COX7B2: variants seen among roughly 807,000 people sequenced by gnomAD.
COX7B2 encodes cytochrome c oxidase subunit 7B2.
For synonymous variants in COX7B2, 37 were observed against 32.1 expected, an observed-to-expected ratio of 1.15 and a Z score of -0.51; for missense variants, 109 against 95.9, an observed-to-expected ratio of 1.14 and a Z score of -0.57.
chr4:46,759,349 T>C (rs1560359573), intron 2 of COX7B2, among the ~76,000 whole-genome samples: 2 of 152,046 alleles, frequency 1.3e-5, no homozygotes, highest in African/African-American at 2.4e-5. Context: ...AATCTTAAAA[T>C]ATTTATATGA....
chr4:46,743,149 T>C (rs1432877530), intron 2 of COX7B2, among the ~76,000 whole-genome samples: 1 of 152,176 alleles, frequency 6.6e-6, no homozygotes, highest in Non-Finnish European at 1.5e-5. Context: ...TCTTATTTTG[T>C]TCATTATTAA....
chr4:46,803,071 T>A (rs1277949168), intron 2 of COX7B2, among the ~76,000 whole-genome samples: 1 of 152,202 alleles, frequency 6.6e-6, no homozygotes, highest in Non-Finnish European at 1.5e-5. Context: ...TAAATATTTT[T>A]ATATTTCATT....
intron 2 of COX7B2, among the ~76,000 whole-genome samples, chr4:46,755,004 A>G (rs1284839016): frequency 6.6e-6 from 1 of 151,478 alleles, no homozygotes; most frequent in African/African-American, 2.4e-5. Flanking sequence ...ACAAAAGAAA[A>G]CATGCAGTGA....
chr4:46,812,287 C>T (rs1218093378), intron 2 of COX7B2, among the ~76,000 whole-genome samples: 1 of 151,954 alleles, frequency 6.6e-6, no homozygotes, highest in Non-Finnish European at 1.5e-5. Flanking sequence ...CTCTGAGGCA[C>T]ATCCCAGTAG....
chr4:46,824,773 C>CA (rs1288344689), intron 2 of COX7B2, among the ~76,000 whole-genome samples: 3 of 150,282 alleles, frequency 2.0e-5, no homozygotes, highest in Non-Finnish European at 3.0e-5. Flanking sequence ...GAACTAAAGA[C>CA]AAAAAACACA....
chr4:46,860,644 C>T (rs900119396), intron 1 of COX7B2, among the ~76,000 whole-genome samples: 1 of 152,136 alleles, frequency 6.6e-6, no homozygotes, highest in African/African-American at 2.4e-5. Context: ...GACAGAAGTA[C>T]ATCTGACCAA....
chr4:46,817,418 GTC>G (rs1219196747), intron 2 of COX7B2, among the ~76,000 whole-genome samples: 1 of 152,126 alleles, frequency 6.6e-6, no homozygotes, highest in Admixed American at 6.5e-5. Flanking sequence ...ACACATTTCA[GTC>G]TCTCAGTCCC....
Position 46,905,814 on chromosome 4 carries a change from C to CTTTTTTTTTTTTT in COX7B2, c.-105+3333_-105+3345dup, listed in dbSNP as rs761904309. Among the ~76,000 whole-genome samples, 25 of 71,692 alleles carry CTTTTTTTTTTTTT rather than the reference C, an allele frequency of 3.5e-4. 2 individuals are homozygous for CTTTTTTTTTTTTT. Among genetic ancestry groups the CTTTTTTTTTTTTT allele is most frequent in the East Asian group, 4.8e-4 (1 of 2,086 alleles). 47.0% of individuals were successfully genotyped at this position (71,692 alleles called of 152,430 possible). A position where few individuals can be genotyped will look rare whatever the true frequency, so the allele number is the denominator to read the frequency against. ...TACCATCTCTGATAAGCATATATTTCTTTTTTTTTTTTTTTTTTTTTTTTT... is the reference window on the plus strand; with the variant it reads ...TACCATCTCTGATAAGCATATATTTCTTTTTTTTTTTTTTTTTTTTTTTTTTTTTTTTTTTTTT... On this transcript the variant is annotated intron_variant, in intron 1 of 2. Coordinates refer to ENST00000355591, the MANE Select transcript of COX7B2 (RefSeq NM_130902.3).
At chr4:46,868,003 C>G (rs1717772739) in intron 1 of COX7B2, among the ~76,000 whole-genome samples, 1 of 151,988 alleles carries the variant, frequency 6.6e-6, no homozygotes, top group Non-Finnish European at 1.5e-5. Flanking sequence ...TTCATCAGGT[C>G]CTGGGCTTTT....
At chr4:46,827,104 G>A (rs1292896703) in intron 2 of COX7B2, among the ~76,000 whole-genome samples, 1 of 152,030 alleles carries the variant, frequency 6.6e-6, no homozygotes, top group Non-Finnish European at 1.5e-5. Flanking sequence ...AGACTTGAGG[G>A]ATAATATCAA....
Position 46,811,717 on chromosome 4 carries a change from G to A in COX7B2, c.-50+33243C>T, listed in dbSNP as rs576765029. 6.6e-5 allele frequency among the ~76,000 whole-genome samples: 10 copies of A among 152,152 alleles called. No homozygotes were observed. In the South Asian group the frequency reaches 2.1e-3, roughly 32 times the overall value. Reference sequence around the variant, plus strand: ...ATTTCCTTGCCTTTTCATGTTTCTTGTGTCTCTGAATTGATGTCTGTGCAT... The same window carrying A: ...ATTTCCTTGCCTTTTCATGTTTCTTATGTCTCTGAATTGATGTCTGTGCAT... On this transcript the variant is annotated intron_variant, in intron 2 of 2. Coordinates refer to ENST00000355591, the MANE Select transcript of COX7B2 (RefSeq NM_130902.3).
chr4:46,907,848 C>CTTTGTTTTTTTTTTTTTT (rs1720494240), intron 1 of COX7B2, among the ~76,000 whole-genome samples: 1 of 59,730 alleles, frequency 1.7e-5, no homozygotes, highest in Non-Finnish European at 3.1e-5. Flanking sequence ...TTTGAGCAGA[C>CTTTGTTTTTTTTTTTTTT]TTTTTTTTTT....
At position 46,753,549 on chromosome 4, in the gene COX7B2, T is replaced by C. The variant is rs540265422; in HGVS notation, c.-49-18308A>G. On this transcript the variant is annotated intron_variant, in intron 2 of 2. Transcript: ENST00000355591. ...AACTGGATCCCTTCCTTACACCTTATACAAAAATTAATTCAAGATGGATTA... is the reference window on the plus strand; with the variant it reads ...AACTGGATCCCTTCCTTACACCTTACACAAAAATTAATTCAAGATGGATTA... 2.3e-3 allele frequency among the ~76,000 whole-genome samples: 349 copies of C among 151,780 alleles called. 2 individuals carry two copies. Among genetic ancestry groups the C allele is most frequent in the Middle Eastern group, 0.02 (6 of 294 alleles).
intron 2 of COX7B2, among the ~76,000 whole-genome samples, chr4:46,764,898 A>C (rs987691624): frequency 6.6e-6 from 1 of 152,120 alleles, no homozygotes; most frequent in Admixed American, 6.5e-5. Flanking sequence ...AGAGAGGAAA[A>C]AAAACACAAA....
At chr4:46,822,797 A>G (rs2109699323) in intron 2 of COX7B2, among the ~76,000 whole-genome samples, 1 of 152,334 alleles carries the variant, frequency 6.6e-6, no homozygotes, top group South Asian at 2.1e-4. Flanking sequence ...ATAAATTATT[A>G]GATAATTGAA....
chr4:46,772,776 G>A lies in COX7B2; in HGVS notation c.-49-37535C>T, dbSNP rs985414176. ...TGGTTTCAGATGATCAAATCATAAT[G>A]TGCAAACTTACAGTTTTAAACAACA... On this transcript the variant is annotated intron_variant, in intron 2 of 2. Coordinates refer to ENST00000355591, the MANE Select transcript of COX7B2 (RefSeq NM_130902.3). Among the ~76,000 whole-genome samples the A allele has an allele frequency of 2.0e-5, 3 of 152,222 alleles. No homozygotes were observed. In the East Asian group the frequency reaches 5.8e-4, roughly 29 times the overall value.
chr4:46,895,970 T>G (rs1560442957), intron 1 of COX7B2, among the ~76,000 whole-genome samples: 2 of 152,152 alleles, frequency 1.3e-5, no homozygotes, highest in South Asian at 2.1e-4. Context: ...CATCTCTTCT[T>G]GAGAATAAGT....
intron 2 of COX7B2, among the ~76,000 whole-genome samples, chr4:46,826,500 C>G (rs1180819547): frequency 6.6e-6 from 1 of 151,912 alleles, no homozygotes; most frequent in East Asian, 1.9e-4. Context: ...ACCATTCGAC[C>G]CAACAATTCC....
intron 2 of COX7B2, among the ~76,000 whole-genome samples, chr4:46,779,647 G>C (rs1717335747): frequency 6.6e-6 from 1 of 151,946 alleles, no homozygotes; most frequent in Non-Finnish European, 1.5e-5. Flanking sequence ...CCCACCAACA[G>C]TGCACAAGGA....
Sources: allele counts gnomAD v4.1 joint callset (sites outside exome capture counted in the v4.1 genomes callset), GRCh38; gene constraint gnomAD v4.1.1; transcripts MANE v1.5; gene names NCBI Gene and HGNC (gene_info 2026-07-23, HGNC 2026-07-21).